Variants in AKAP14 observed in about 807,000 individuals in gnomAD.
AKAP14 encodes A-kinase anchoring protein 14, also known as A-kinase anchor protein 14.
Under a neutral mutation model 17.0 loss-of-function variants are expected in AKAP14, and 4 were observed. The ratio of observed to expected loss-of-function variants is 0.23; its 90% CI spans 0.12 to 0.54. The LOEUF is 0.54. AKAP14 is among the 20% of genes least tolerant of loss of function. AKAP14 has a pLI of 0.95. For missense variants in AKAP14, 129 were observed against 150.9 expected (o/e 0.85, Z 0.76); for synonymous variants, 42 against 51.3 (o/e 0.82, Z 0.77).
chrX:119,916,765 T>G (rs1302234921), intron 5 of AKAP14, among the ~76,000 whole-genome samples: 1 of 97,784 alleles, frequency 1.0e-5, no homozygotes, highest in Non-Finnish European at 2.1e-5. Flanking sequence ...CCTCCCAAAG[T>G]GCTGGGATTA....
chrX:119,906,522 C>T (rs1461689083), intron 4 of AKAP14, among the ~76,000 whole-genome samples: 37 of 99,239 alleles, frequency 3.7e-4, no homozygotes, highest in Non-Finnish European at 6.1e-4. Context: ...CGTGAGCCAT[C>T]GCGCCCGGCC....
rs1234554318 is a variant in AKAP14 at position 119,903,506 on chromosome X, C to G, written c.181C>G (p.Pro61Ala). Residue 61 changes from proline (P) to alanine (A), a missense_variant, in exon 4 of 7, where the codon CCT (proline) becomes GCT (alanine). By Grantham distance (27) the Pro-to-Ala change is conservative. Transcript: ENST00000371431. ...AVKIVEEERN[P>A]LKNIKWMTHG... ...CCTTTTTTTTGCAGAGGAGCGAAAC[C>G]CTTTGAAAAACATCAAGTGGATGAC... The G allele has an allele frequency of 8.3e-7, 1 of 1,211,724 alleles. No homozygotes were observed. Among genetic ancestry groups the G allele is most frequent in the East Asian group, 3.0e-5 (1 of 33,847 alleles).
chrX:119,919,876 T>C, intron 5 of AKAP14, 35 bp from the exon 6 acceptor site: 1 of 1,196,380 alleles, frequency 8.4e-7, no homozygotes, highest in South Asian at 1.8e-5. Flanking sequence ...TTGGTATGAC[T>C]GGTCTGGGCT....
At position 119,903,220 on chromosome X, in the gene AKAP14, GAA is replaced by G; in HGVS notation, c.-1_1del. ...AACTTCTTTTTTTCCCCAGGAAAAA[GAA>G]AATGAGTGAGACTCAAAATTCAACA... On this transcript the variant is annotated 5_prime_UTR_variant, in exon 3 of 7. Coordinates refer to ENST00000371431, the MANE Select transcript of AKAP14 (RefSeq NM_178813.6). 8.3e-7 allele frequency: 1 copy of G among 1,208,157 alleles called. No homozygotes were observed. Among genetic ancestry groups the G allele is most frequent in the Non-Finnish European group, 1.1e-6 (1 of 894,270 alleles).
At chrX:119,901,609 G>T (rs1200755816) in intron 2 of AKAP14, among the ~76,000 whole-genome samples, 7 of 108,464 alleles carry the variant, frequency 6.5e-5, no homozygotes, top group Non-Finnish European at 1.3e-4. Flanking sequence ...GGGAGGCTGA[G>T]ACAGGAGAAT....
intron 4 of AKAP14, among the ~76,000 whole-genome samples, chrX:119,904,548 T>G (rs963318331): frequency 4.5e-5 from 5 of 111,356 alleles, no homozygotes; most frequent in African/African-American, 1.6e-4. Flanking sequence ...GCCTAAGAGT[T>G]TGAGACAGCC....
intron 5 of AKAP14, among the ~76,000 whole-genome samples, chrX:119,916,394 C>A (rs1458839399): frequency 9.0e-6 from 1 of 110,501 alleles, no homozygotes; most frequent in Non-Finnish European, 1.9e-5. Flanking sequence ...AACAAATTTC[C>A]GTCACTCCTC....
intron 4 of AKAP14, among the ~76,000 whole-genome samples, chrX:119,906,293 G>A (rs2056597338): frequency 1.1e-5 from 1 of 94,542 alleles, no homozygotes; most frequent in Non-Finnish European, 2.0e-5. Context: ...GGAGTGCAGT[G>A]GCGTGATCTT....
chrX:119,902,691 G>GT (rs2056573641), intron 2 of AKAP14, among the ~76,000 whole-genome samples: 1 of 110,364 alleles, frequency 9.1e-6, no homozygotes, highest in Non-Finnish European at 1.9e-5. Flanking sequence ...TGTTTTTTTT[G>GT]TTTTTTGTTT....
At chrX:119,907,970 G>A (rs775855168) in intron 4 of AKAP14, among the ~76,000 whole-genome samples, 2 of 111,825 alleles carry the variant, frequency 1.8e-5, no homozygotes, top group South Asian at 3.7e-4. Flanking sequence ...ATGTGAATAC[G>A]AATAATTAAA....
chrX:119,917,515 G>A (rs2056666298), intron 5 of AKAP14, among the ~76,000 whole-genome samples: 1 of 111,992 alleles, frequency 8.9e-6, no homozygotes, highest in Admixed American at 9.5e-5. Context: ...TGAGGCAGGA[G>A]AATTGCTTGA....
chrX:119,909,227 C>T (rs757040517), intron 4 of AKAP14, among the ~76,000 whole-genome samples: 7 of 111,434 alleles, frequency 6.3e-5, no homozygotes, highest in African/African-American at 2.3e-4. Flanking sequence ...TGGCTCATGC[C>T]TGTAATCCCA....
chrX:119,903,401 C>T lies in AKAP14; in HGVS notation c.169+9C>T. ...TGTTAAGATTGTGGAAGGTAGTGAT[C>T]CTGTTTGTTTGGATGCCTAAATAAT... On this transcript the variant is annotated intron_variant, in intron 3 of 6. Coordinates refer to ENST00000371431, the MANE Select transcript of AKAP14 (RefSeq NM_178813.6). 2 of 1,210,919 alleles carry T rather than the reference C, an allele frequency of 1.7e-6. No homozygotes were observed. The highest frequency in any genetic ancestry group is 1.1e-6 in the Non-Finnish European group (1 of 894,949).
intron 2 of AKAP14, among the ~76,000 whole-genome samples, chrX:119,898,121 C>T (rs2056541887): frequency 8.9e-6 from 1 of 111,789 alleles, no homozygotes; most frequent in African/African-American, 3.3e-5. Context: ...CGAGATTGCG[C>T]CACCGCACTC....
chrX:119,898,653 C>T lies in AKAP14; in HGVS notation c.-11+2386C>T, dbSNP rs188407601. Among the ~76,000 whole-genome samples, 3 of 108,153 alleles carry T rather than the reference C, an allele frequency of 2.8e-5. No individual in the cohort carries two copies. In the Admixed American group the frequency reaches 3.0e-4, roughly 11 times the overall value. 93.9% of individuals were successfully genotyped at this position (108,153 alleles called of 115,157 possible). A position where few individuals can be genotyped will look rare whatever the true frequency, so the allele number is the denominator to read the frequency against. The stretch of plus-strand genomic sequence containing the variant: ...TCTACTAAAAATAACAAAAACTAGC[C>T]GGGCATGGTGGCGGACACCTGTAAT... On this transcript the variant is annotated intron_variant, in intron 2 of 6. Coordinates refer to ENST00000371431, the MANE Select transcript of AKAP14 (RefSeq NM_178813.6).
At chrX:119,904,053 C>T (rs1455536040) in intron 4 of AKAP14, among the ~76,000 whole-genome samples, 1 of 111,528 alleles carries the variant, frequency 9.0e-6, no homozygotes, top group African/African-American at 3.3e-5. Context: ...AAGCGATCTT[C>T]CCACCTCAGC....
intron 4 of AKAP14, among the ~76,000 whole-genome samples, chrX:119,910,811 C>T (rs2056623284): frequency 9.2e-6 from 1 of 108,899 alleles, no homozygotes; most frequent in Non-Finnish European, 1.9e-5. Flanking sequence ...TACAGGCATG[C>T]ACCACCACGC....
chrX:119,903,490 T>C lies in AKAP14; in HGVS notation c.170-5T>C. ...AACTAACGAACTCACACCTTTTTTT[T>C]GCAGAGGAGCGAAACCCTTTGAAAA... On this transcript the variant is annotated splice_region_variant and splice_polypyrimidine_tract_variant and intron_variant, in intron 3 of 6. Transcript: ENST00000371431. The C allele has an allele frequency of 8.3e-7, 1 of 1,211,985 alleles. No homozygotes were observed. Among genetic ancestry groups the C allele is most frequent in the Non-Finnish European group, 1.1e-6 (1 of 895,596 alleles).
intron 4 of AKAP14, among the ~76,000 whole-genome samples, chrX:119,909,884 C>CAA (rs34011091): frequency 4.6e-5 from 4 of 87,795 alleles, no homozygotes; most frequent in African/African-American, 1.2e-4. Context: ...GACTCCGTCT[C>CAA]AAAAAAAAAA....
Sources: gnomAD v4.1 joint callset for allele counts (sites outside exome capture counted in the v4.1 genomes callset) on GRCh38, gnomAD v4.1.1 for gene constraint, MANE v1.5 for transcripts, NCBI Gene and HGNC (gene_info 2026-07-23, HGNC 2026-07-21) for gene names.